The following IPO11 variants were observed in gnomAD, a reference collection of about 807,000 sequenced individuals.
IPO11 encodes the protein importin 11.
In IPO11, 66 loss-of-function variants were observed where a neutral mutation model predicts 143.2. That is an observed-to-expected ratio of 0.46 (90% CI 0.38 to 0.57). The LOEUF (loss-of-function observed/expected upper bound fraction) is 0.57. IPO11 is among the 20% of genes least tolerant of loss of function. IPO11 has a pLI of 0.00. For synonymous variants in IPO11, 385 were observed against 377.8 expected, an observed-to-expected ratio of 1.02 and a Z score of -0.22; for missense variants, 1,026 against 1,141.0, an observed-to-expected ratio of 0.90 and a Z score of 1.45.
intron 1 of IPO11, among the ~76,000 whole-genome samples, chr5:62,425,795 A>G (rs574601289): frequency 1.3e-5 from 2 of 152,358 alleles, no homozygotes; most frequent in Admixed American, 1.3e-4. Flanking sequence ...TGTACACAAT[A>G]TATAGAAGTG....
chr5:62,514,529 C>T (rs1345258520), intron 19 of IPO11, among the ~76,000 whole-genome samples: 1 of 148,360 alleles, frequency 6.7e-6, no homozygotes, highest in African/African-American at 2.5e-5. Flanking sequence ...TGCAGAGAGC[C>T]GAGATGGCAG....
At chr5:62,580,697 C>A in intron 27 of IPO11, 1 of 1,551,384 alleles carries the variant, frequency 6.4e-7, no homozygotes, top group East Asian at 2.4e-5. Flanking sequence ...GTTGTAAAAT[C>A]TCCTCATATT....
At chr5:62,506,174 C>G (rs533563567) in intron 18 of IPO11, 67 bp from the exon 19 acceptor site, 1 of 763,254 alleles carries the variant, frequency 1.3e-6, no homozygotes, top group South Asian at 1.9e-5. Flanking sequence ...TACTTCTGTT[C>G]GTATGAATGT....
chr5:62,591,605 A>G lies in IPO11; in HGVS notation c.2611A>G (p.Ile871Val). Residue 871 changes from isoleucine to valine, a missense_variant, in exon 28 of 30, where the codon ATA becomes GTA. This residue lies in a region of IPO11 where 351 missense variants were observed against 358.9 expected (regional missense o/e 0.98). Coordinates refer to ENST00000325324, the MANE Select transcript of IPO11 (RefSeq NM_016338.5). ...TATCCAAGATAAATTCTGTGGGATT[A>G]TAAACATTTCAGTAGAAGGCCTGCA... ...SVIQDKFCGI[I>V]NISVEGLHDV... 6.2e-7 allele frequency: 1 copy of G among 1,606,144 alleles called. No individual in the cohort carries two copies. Among genetic ancestry groups the G allele is most frequent in the Non-Finnish European group, 8.5e-7 (1 of 1,176,926 alleles).
At chr5:62,597,282 A>G (rs1157103862) in intron 28 of IPO11, among the ~76,000 whole-genome samples, 2 of 152,210 alleles carry the variant, frequency 1.3e-5, no homozygotes, top group African/African-American at 4.8e-5. Flanking sequence ...TAGGAATTAC[A>G]TGGGTCTTAT....
chr5:62,497,101 G>A (rs1383914467), intron 16 of IPO11, among the ~76,000 whole-genome samples: 1 of 152,160 alleles, frequency 6.6e-6, no homozygotes, highest in Non-Finnish European at 1.5e-5. Flanking sequence ...TTAAGGAATC[G>A]GGATACATTT....
chr5:62,495,751 G>A (rs1231527994), intron 16 of IPO11, among the ~76,000 whole-genome samples: 1 of 152,112 alleles, frequency 6.6e-6, no homozygotes, highest in Admixed American at 6.5e-5. Flanking sequence ...GATTATAGGC[G>A]TGAGCCACTG....
At chr5:62,490,261 CTTAT>C (rs1338197079) in intron 15 of IPO11, 41 bp downstream of exon 15, 2 of 1,295,166 alleles carry the variant, frequency 1.5e-6, no homozygotes, top group African/African-American at 1.5e-5. Flanking sequence ...CTTACTTTAC[CTTAT>C]TTATTTTATT....
intron 5 of IPO11, among the ~76,000 whole-genome samples, chr5:62,458,073 G>A (rs374091458): frequency 0.013 from 1,983 of 150,970 alleles, 44 homozygotes; most frequent in African/African-American, 0.046. Flanking sequence ...CGTGAATCGG[G>A]GAGGCGGAGC....
At chr5:62,599,314 C>T (rs1745412036) in intron 28 of IPO11, among the ~76,000 whole-genome samples, 1 of 152,192 alleles carries the variant, frequency 6.6e-6, no homozygotes. Context: ...TTTTTTTAGA[C>T]AATTGCACTT....
At position 62,580,684 on chromosome 5, in the gene IPO11, G is replaced by C. The variant is rs1414819028; in HGVS notation, c.2583-10893G>C. On this transcript the variant is annotated intron_variant, in intron 27 of 29. Transcript: ENST00000325324. ...TTCAATAAATGTATCCAGAGCTTGG[G>C]CTGTTGTAAAATCTCCTCATATTCA... 11 of 1,551,434 alleles carry C rather than the reference G, an allele frequency of 7.1e-6. No homozygotes were observed. The highest frequency in any genetic ancestry group is 9.6e-6 in the Non-Finnish European group (11 of 1,146,842).
intron 7 of IPO11, among the ~76,000 whole-genome samples, chr5:62,470,816 CTTTTTTTTTTTTTTTTTT>C (rs70981015): frequency 1.1e-4 from 7 of 62,562 alleles, no homozygotes; most frequent in Admixed American, 2.8e-4. Flanking sequence ...TAGCCATCTT[CTTTTTTTTTTTTTTTTTT>C]TTTTTTTTTT....
intron 28 of IPO11, among the ~76,000 whole-genome samples, chr5:62,598,408 C>T (rs28665344): frequency 0.49 from 7,445 of 15,242 alleles, 2,304 homozygotes; most frequent in African/African-American, 0.78. Context: ...TTCTTTCTTT[C>T]TTTCTTTCTT....
At position 62,435,126 on chromosome 5, in the gene IPO11, GTA is replaced by G. The variant is rs202161598; in HGVS notation, c.-6-2140_-6-2139del. On this transcript the variant is annotated intron_variant, in intron 1 of 29. Transcript: ENST00000325324. ...TATATATATGTATATATGTATATAT[GTA>G]TATATATGTATATATGTATATATGT... is the stretch of plus-strand genomic sequence containing the variant. Among the ~76,000 whole-genome samples the G allele has an allele frequency of 1.2e-3, 91 of 73,484 alleles. 6 individuals carry two copies. The highest frequency in any genetic ancestry group is 2.5e-3 in the East Asian group (7 of 2,772). The allele number at this position is 73,484 out of a possible 152,430, so 48.2% of individuals were successfully genotyped here.
intron 13 of IPO11, 82 bp downstream of exon 13, chr5:62,487,943 C>A (rs897801375): frequency 3.5e-6 from 4 of 1,148,660 alleles, no homozygotes; most frequent in Non-Finnish European, 2.5e-6. Context: ...ACAATGCATA[C>A]TGTACTGTTT....
intron 5 of IPO11, among the ~76,000 whole-genome samples, chr5:62,456,413 G>A (rs1452964042): frequency 6.6e-6 from 1 of 152,100 alleles, no homozygotes; most frequent in Non-Finnish European, 1.5e-5. Context: ...GGAAATTTAA[G>A]GTACAGGGAG....
chr5:62,440,413 G>A (rs1421787058), intron 2 of IPO11, among the ~76,000 whole-genome samples: 2 of 147,168 alleles, frequency 1.4e-5, no homozygotes, highest in Non-Finnish European at 3.0e-5. Context: ...GGAGTGCAGT[G>A]GTGTGATCTC....
At chr5:62,413,731 C>T (rs1743200472) in intron 1 of IPO11, among the ~76,000 whole-genome samples, 1 of 152,174 alleles carries the variant, frequency 6.6e-6, no homozygotes, top group Non-Finnish European at 1.5e-5. Flanking sequence ...GGTTATTCTT[C>T]AGAAGGAAGA....
chr5:62,526,741 G>C (rs1279639039), intron 21 of IPO11: 1 of 153,310 alleles, frequency 6.5e-6, no homozygotes, highest in East Asian at 1.9e-4. Flanking sequence ...GTGGCAGCTC[G>C]GTGCTACAAA....
Sources: gnomAD v4.1 joint callset for allele counts (sites outside exome capture counted in the v4.1 genomes callset) on GRCh38, gnomAD v4.1.1 for gene constraint, gnomAD v4.1.1 regional missense constraint, MANE v1.5 for transcripts, NCBI Gene and HGNC (gene_info 2026-07-23, HGNC 2026-07-21) for gene names.